MYRIP: variants seen among roughly 807,000 people sequenced by gnomAD.
MYRIP encodes rab effector MyRIP.
A neutral mutation model predicts 98.0 loss-of-function variants in MYRIP; 49 were observed. The ratio of observed to expected loss-of-function variants is 0.50; its 90% CI spans 0.40 to 0.63. MYRIP has a LOEUF of 0.63. MYRIP is among the 30% of genes least tolerant of loss of function. The probability of loss-of-function intolerance (pLI) is 0.00; values close to 1 mark genes in which losing one functional copy is unlikely to be tolerated. For missense variants in MYRIP, 1,004 were observed against 1,058.2 expected (o/e 0.95, Z 0.71); for synonymous variants, 404 against 409.5 (o/e 0.99, Z 0.16).
At chr3:40,150,760 A>G (rs897809169) in intron 3 of MYRIP, among the ~76,000 whole-genome samples, 1 of 152,106 alleles carries the variant, frequency 6.6e-6, no homozygotes, top group Non-Finnish European at 1.5e-5. Flanking sequence ...GGCAAGAGGG[A>G]TGATTGGGCC....
intron 3 of MYRIP, among the ~76,000 whole-genome samples, chr3:40,147,803 G>C (rs915290566): frequency 1.3e-5 from 2 of 152,154 alleles, no homozygotes; most frequent in Non-Finnish European, 2.9e-5. Flanking sequence ...CATACATGTA[G>C]ATTCTTAATT....
At position 40,189,907 on chromosome 3, in the gene MYRIP, C is replaced by T; in HGVS notation, c.1109C>T (p.Ala370Val). Residue 370 changes from alanine (A) to valine (V), a missense_variant, in exon 10 of 17, where the codon GCC (alanine) becomes GTC (valine). Physicochemically the swap from Ala to Val is moderately conservative, Grantham distance 64. Transcript: ENST00000302541. ...GCTCCACCCCCCACCCGACTACTGG[C>T]CAAACCTAAGAGCGGGACGTTTCAG... is the stretch of plus-strand genomic sequence containing the variant. The part of the protein sequence containing the change: ...DGAPPPTRLL[A>V]KPKSGTFQAL... 1 of 1,614,202 alleles carries T rather than the reference C, an allele frequency of 6.2e-7. No individual in the cohort carries two copies. Among genetic ancestry groups the T allele is most frequent in the Non-Finnish European group, 8.5e-7 (1 of 1,180,046 alleles).
chr3:40,115,982 G>C (rs1010840290), intron 3 of MYRIP, among the ~76,000 whole-genome samples: 1 of 152,204 alleles, frequency 6.6e-6, no homozygotes, highest in Admixed American at 6.5e-5. Flanking sequence ...TGCAGGTAAT[G>C]ACAACTGCAC....
At chr3:40,016,711 G>A (rs1403853306) in intron 2 of MYRIP, among the ~76,000 whole-genome samples, 1 of 152,196 alleles carries the variant, frequency 6.6e-6, no homozygotes, top group African/African-American at 2.4e-5. Context: ...CTAAGTCAGA[G>A]GTCATTGTCA....
At chr3:40,095,333 G>A (rs1948805779) in intron 3 of MYRIP, among the ~76,000 whole-genome samples, 1 of 152,172 alleles carries the variant, frequency 6.6e-6, no homozygotes, top group African/African-American at 2.4e-5. Context: ...CAGAGAGGGT[G>A]AGTCCGCTTC....
chr3:40,230,082 T>C (rs1952606497), intron 11 of MYRIP, among the ~76,000 whole-genome samples: 1 of 152,182 alleles, frequency 6.6e-6, no homozygotes, highest in Non-Finnish European at 1.5e-5. Flanking sequence ...TAGCTGCAAG[T>C]GTCTTGAGAC....
chr3:40,237,663 G>C (rs186857796), intron 12 of MYRIP, among the ~76,000 whole-genome samples: 37 of 152,284 alleles, frequency 2.4e-4, no homozygotes, highest in Admixed American at 7.2e-4. Context: ...AGAACTGCTT[G>C]ACTTCTCATG....
intron 2 of MYRIP, among the ~76,000 whole-genome samples, chr3:39,922,370 G>T (rs1559523355): frequency 6.6e-6 from 1 of 152,186 alleles, no homozygotes. Context: ...AAAAAGCTAA[G>T]CAGGAAGCTG....
At chr3:39,936,745 A>AGATTCCTCCCAGGG (rs1440024773) in intron 2 of MYRIP, among the ~76,000 whole-genome samples, 2 of 152,140 alleles carry the variant, frequency 1.3e-5, no homozygotes, top group African/African-American at 4.8e-5. Context: ...TCAGCCTGGC[A>AGATTCCTCCCAGGG]GATTCCTCCC....
At chr3:39,962,055 A>G (rs1945337226) in intron 2 of MYRIP, among the ~76,000 whole-genome samples, 1 of 152,126 alleles carries the variant, frequency 6.6e-6, no homozygotes, top group African/African-American at 2.4e-5. Context: ...ATGGTAATCG[A>G]CACTCTTGAT....
At chr3:40,071,518 A>G (rs6776146) in intron 3 of MYRIP, among the ~76,000 whole-genome samples, 22,804 of 152,158 alleles carry the variant, frequency 0.15, 1,658 homozygotes, top group East Asian at 0.21. Flanking sequence ...GTGACGATTC[A>G]GTAGAAAGGG....
intron 1 of MYRIP, among the ~76,000 whole-genome samples, chr3:39,857,073 C>T (rs532557826): frequency 1.3e-5 from 2 of 152,048 alleles, no homozygotes; most frequent in East Asian, 3.9e-4. Flanking sequence ...ATTATCCAGG[C>T]ATGGTGGTGT....
chr3:39,895,566 G>C (rs1943588363), intron 1 of MYRIP, among the ~76,000 whole-genome samples: 1 of 151,642 alleles, frequency 6.6e-6, no homozygotes, highest in Non-Finnish European at 1.5e-5. Flanking sequence ...GTAAACATTT[G>C]GGTGTTACTT....
At chr3:39,904,808 C>A (rs1044378061) in intron 2 of MYRIP, among the ~76,000 whole-genome samples, 4 of 152,148 alleles carry the variant, frequency 2.6e-5, no homozygotes, top group Admixed American at 6.5e-5. Flanking sequence ...ATTCTGTCAA[C>A]CCCATGTCAG....
At chr3:39,921,729 A>G (rs1373148556) in intron 2 of MYRIP, among the ~76,000 whole-genome samples, 1 of 152,030 alleles carries the variant, frequency 6.6e-6, no homozygotes, top group East Asian at 1.9e-4. Context: ...AAAAATACAA[A>G]AATTAGCCGG....
chr3:40,094,478 G>C (rs1948787329), intron 3 of MYRIP, among the ~76,000 whole-genome samples: 1 of 152,170 alleles, frequency 6.6e-6, no homozygotes, highest in Admixed American at 6.5e-5. Flanking sequence ...CACCTCCCCT[G>C]CTTTGCAGCA....
chr3:40,006,330 A>C (rs1006680984), intron 2 of MYRIP, among the ~76,000 whole-genome samples: 8 of 152,158 alleles, frequency 5.3e-5, no homozygotes, highest in African/African-American at 1.9e-4. Flanking sequence ...CAGAGCTTGC[A>C]GTAAGCCGAG....
At position 40,046,452 on chromosome 3, in the gene MYRIP, C is replaced by T. The variant is rs72871442; in HGVS notation, c.332+2181C>T. Among the ~76,000 whole-genome samples, 1,223 of 150,974 alleles carry T rather than the reference C, an allele frequency of 8.1e-3. 16 individuals carry two copies. Among genetic ancestry groups the T allele is most frequent in the African/African-American group, 0.027 (1,116 of 40,994 alleles). ...TCTTTGTGACCCAAATAGAACAGGACGATGTTTATAGCAGCCAGATGCATA... is the reference window on the plus strand; with the variant it reads ...TCTTTGTGACCCAAATAGAACAGGATGATGTTTATAGCAGCCAGATGCATA... On this transcript the variant is annotated intron_variant, in intron 3 of 16. Transcript: ENST00000302541.
At chr3:40,083,326 G>T (rs1228826899) in intron 3 of MYRIP, among the ~76,000 whole-genome samples, 1 of 152,200 alleles carries the variant, frequency 6.6e-6, no homozygotes, top group Non-Finnish European at 1.5e-5. Context: ...TGGGGAGCTG[G>T]TTAGACAAAG....
Sources: gnomAD v4.1 joint callset for allele counts (sites outside exome capture counted in the v4.1 genomes callset) on GRCh38, gnomAD v4.1.1 for gene constraint, MANE v1.5 for transcripts, NCBI Gene and HGNC (gene_info 2026-07-23, HGNC 2026-07-21) for gene names.